Variants in CALN1 observed in about 807,000 individuals in gnomAD.
CALN1 encodes the protein calneuron 1, also known as calcium-binding protein 8.
In CALN1, 17 loss-of-function variants were observed where a neutral mutation model predicts 30.6. That is an observed-to-expected ratio of 0.56 (90% CI 0.38 to 0.83). The LOEUF (loss-of-function observed/expected upper bound fraction) is 0.83. CALN1 is among the 40% of genes least tolerant of loss of function. CALN1 has a pLI of 0.00. For missense variants in CALN1, 291 were observed against 354.9 expected (o/e 0.82, Z 1.45); for synonymous variants, 156 against 131.4 (o/e 1.19, Z -1.28).
intron 5 of CALN1, among the ~76,000 whole-genome samples, chr7:71,871,415 A>AC (rs142962186): frequency 0.18 from 26,894 of 151,864 alleles, 2,776 homozygotes; most frequent in Non-Finnish European, 0.23. Flanking sequence ...CCAGACCTGC[A>AC]CCCACACAGC....
intron 5 of CALN1, among the ~76,000 whole-genome samples, chr7:71,922,816 T>C (rs941796225): frequency 4.3e-5 from 6 of 140,940 alleles, no homozygotes; most frequent in African/African-American, 1.3e-4. Flanking sequence ...TATAAATATA[T>C]AATATACAGA....
intron 2 of CALN1, among the ~76,000 whole-genome samples, chr7:72,322,525 A>G (rs375557353): frequency 8.3e-4 from 127 of 152,260 alleles, no homozygotes; most frequent in African/African-American, 3.0e-3. Flanking sequence ...TTCTGACACT[A>G]TAAATTCTGA....
At chr7:72,124,658 GTAA>G (rs1227081896) in intron 3 of CALN1, among the ~76,000 whole-genome samples, 1 of 150,472 alleles carries the variant, frequency 6.6e-6, no homozygotes, top group East Asian at 2.0e-4. Flanking sequence ...TCTCTAAATA[GTAA>G]TAATAATATA....
chr7:72,188,565 G>T (rs1396851893), intron 3 of CALN1, among the ~76,000 whole-genome samples: 1 of 151,824 alleles, frequency 6.6e-6, no homozygotes, highest in African/African-American at 2.4e-5. Context: ...GGGTGGGAGG[G>T]GGGTGAGGAA....
chr7:72,320,834 C>CAAAAAAAA (rs56192893), intron 2 of CALN1, among the ~76,000 whole-genome samples: 1 of 67,152 alleles, frequency 1.5e-5, no homozygotes, highest in African/African-American at 5.6e-5. Flanking sequence ...GACTCCATCT[C>CAAAAAAAA]AAAAAAAAAA....
At chr7:71,822,624 G>A (rs1054852857) in intron 5 of CALN1, among the ~76,000 whole-genome samples, 38 of 152,090 alleles carry the variant, frequency 2.5e-4, no homozygotes, top group Non-Finnish European at 2.9e-5. Context: ...TATGCTGCTG[G>A]ATGTTTTTCC....
intron 3 of CALN1, among the ~76,000 whole-genome samples, chr7:72,114,578 G>C (rs1353298549): frequency 1.3e-5 from 2 of 152,090 alleles, no homozygotes; most frequent in African/African-American, 2.4e-5. Context: ...GCTTTAGTGT[G>C]AATGAGTTCT....
chr7:72,032,357 A>C (rs1801512368), intron 4 of CALN1, among the ~76,000 whole-genome samples: 1 of 152,008 alleles, frequency 6.6e-6, no homozygotes, highest in African/African-American at 2.4e-5. Context: ...CTCCTGGCTA[A>C]TTTTTAAATT....
At chr7:71,922,441 AATTAT>A (rs1794993878) in intron 5 of CALN1, among the ~76,000 whole-genome samples, 2 of 144,470 alleles carry the variant, frequency 1.4e-5, no homozygotes, top group Non-Finnish European at 3.1e-5. Context: ...GAGTATATAT[AATTAT>A]ATTTATTTAT....
At chr7:72,251,229 C>G (rs889166456) in intron 3 of CALN1, among the ~76,000 whole-genome samples, 2 of 152,154 alleles carry the variant, frequency 1.3e-5, no homozygotes, top group Non-Finnish European at 2.9e-5. Flanking sequence ...AGCCCAACAG[C>G]CTCCAAGGTC....
At chr7:71,877,005 G>A (rs1562864416) in intron 5 of CALN1, among the ~76,000 whole-genome samples, 1 of 152,022 alleles carries the variant, frequency 6.6e-6, no homozygotes, top group Non-Finnish European at 1.5e-5. Context: ...TAGAACCCTT[G>A]TTTCTTTGTT....
At chr7:71,972,386 G>A (rs946076617) in intron 5 of CALN1, among the ~76,000 whole-genome samples, 3 of 152,178 alleles carry the variant, frequency 2.0e-5, no homozygotes, top group Admixed American at 1.3e-4. Flanking sequence ...GCCTTTGTGA[G>A]AAATGATCCT....
intron 2 of CALN1, among the ~76,000 whole-genome samples, chr7:72,364,065 A>T (rs2944804): frequency 4.6e-4 from 28 of 61,414 alleles, no homozygotes; most frequent in South Asian, 1.4e-3. Flanking sequence ...AAATTGCAGT[A>T]AAAAAAAAAA....
chr7:72,230,830 GCA>G (rs1794045742), intron 3 of CALN1, among the ~76,000 whole-genome samples: 1 of 152,160 alleles, frequency 6.6e-6, no homozygotes, highest in Non-Finnish European at 1.5e-5. Context: ...ACTAATATAG[GCA>G]CAGTCGTTTC....
chr7:72,458,201 A>G, the CALN1 span, among the ~76,000 whole-genome samples: 25 of 118,958 alleles, frequency 2.1e-4, no homozygotes, highest in South Asian at 2.3e-4. Context: ...ATTATAATAT[A>G]TAATATATTT....
intron 6 of CALN1, among the ~76,000 whole-genome samples, chr7:71,803,947 TGC>T (rs1338718048): frequency 4.7e-4 from 8 of 17,008 alleles, no homozygotes; most frequent in Admixed American, 3.7e-3. Flanking sequence ...TGTATGTGTG[TGC>T]GTGTGTGTGT....
chr7:72,465,141 G>A, the CALN1 span, among the ~76,000 whole-genome samples: 1 of 152,246 alleles, frequency 6.6e-6, no homozygotes, highest in South Asian at 2.1e-4. Flanking sequence ...TGAGAAAGAG[G>A]AAAGAATTCA....
chr7:71,814,997 CTGAT>C (rs1386162702), intron 5 of CALN1, among the ~76,000 whole-genome samples: 1 of 152,044 alleles, frequency 6.6e-6, no homozygotes, highest in Non-Finnish European at 1.5e-5. Context: ...CCACGCCCAG[CTGAT>C]TTTTTGTATT....
intron 6 of CALN1, among the ~76,000 whole-genome samples, chr7:71,792,432 A>T (rs1562782424): frequency 6.6e-6 from 1 of 152,096 alleles, no homozygotes; most frequent in Non-Finnish European, 1.5e-5. Context: ...GGCGATTTAA[A>T]GTATATGTGG....
Sources: allele counts gnomAD v4.1 joint callset (sites outside exome capture counted in the v4.1 genomes callset), GRCh38; gene constraint gnomAD v4.1.1; transcripts MANE v1.5; gene names NCBI Gene and HGNC (gene_info 2026-07-23, HGNC 2026-07-21).